Variants in SMC5 observed in about 807,000 individuals in gnomAD.
SMC5 encodes structural maintenance of chromosomes protein 5.
In SMC5, 88 loss-of-function variants were observed where a neutral mutation model predicts 148.3. The ratio of observed to expected loss-of-function variants is 0.59; its 90% CI spans 0.50 to 0.71. The LOEUF (loss-of-function observed/expected upper bound fraction) is 0.71. Ranked by LOEUF, SMC5 falls within the 30% of genes least tolerant of loss-of-function variation. The pLI, the probability that SMC5 is intolerant of heterozygous loss-of-function variation, is 0.00. For missense variants in SMC5, 1,142 were observed against 1,298.9 expected (o/e 0.88, Z 1.86); for synonymous variants, 421 against 432.8 (o/e 0.97, Z 0.34).
Position 70,323,470 on chromosome 9 carries a change from A to G in SMC5, c.2151-13A>G, listed in dbSNP as rs535402855. ...TTAACACTGATTTCTTCATTATTAT[A>G]TGTGTCATACAGTTTAAAGCTGATG... On this transcript the variant is annotated splice_polypyrimidine_tract_variant and intron_variant, in intron 15 of 24. Coordinates refer to ENST00000361138, the MANE Select transcript of SMC5 (RefSeq NM_015110.4). The G allele has an allele frequency of 8.8e-6, 14 of 1,583,308 alleles. No individual in the cohort carries two copies. In the African/African-American group the frequency reaches 1.5e-4, roughly 17 times the overall value.
intron 3 of SMC5, among the ~76,000 whole-genome samples, chr9:70,276,055 A>AT (rs1479613430): frequency 6.6e-6 from 1 of 152,246 alleles, no homozygotes; most frequent in Non-Finnish European, 1.5e-5. Flanking sequence ...TTCTTTTAAG[A>AT]TAACATAGAT....
intron 8 of SMC5, among the ~76,000 whole-genome samples, chr9:70,290,495 T>C (rs2035028562): frequency 6.6e-6 from 1 of 152,196 alleles, no homozygotes. Context: ...ACCGCAATAG[T>C]TCTTTTATAT....
At chr9:70,318,755 G>GT in intron 14 of SMC5, 39 bp from the exon 15 acceptor site, 6 of 1,553,178 alleles carry the variant, frequency 3.9e-6, no homozygotes, top group Non-Finnish European at 5.2e-6. Context: ...CACTGGAACA[G>GT]TTTTTTAAAT....
chr9:70,279,997 A>ATGTATTT (rs1343742471), intron 5 of SMC5, among the ~76,000 whole-genome samples: 1 of 152,124 alleles, frequency 6.6e-6, no homozygotes, highest in Non-Finnish European at 1.5e-5. Flanking sequence ...ACTTAATAAT[A>ATGTATTT]TGTATTTTAC....
intron 8 of SMC5, among the ~76,000 whole-genome samples, chr9:70,290,300 G>A (rs1003216152): frequency 1.9e-4 from 29 of 152,130 alleles, no homozygotes; most frequent in Non-Finnish European, 4.0e-4. Flanking sequence ...AATCTAAAAT[G>A]TGCCTCTTGT....
chr9:70,352,047 C>G (rs1162456570), intron 24 of SMC5, 144 bp from the exon 25 acceptor site: 2 of 673,808 alleles, frequency 3.0e-6, no homozygotes, highest in Non-Finnish European at 4.6e-6. Context: ...CACCTCTGTA[C>G]TCCGGCCTGA....
In SMC5 at chr9:70,350,394, G is replaced by T. The variant is rs1416268890; in HGVS notation, c.3088G>T (p.Glu1030Ter). The change falls in exon 24 of 25, where the codon GAA becomes TAA. Residue 1030 changes from glutamate (E) to a stop codon, truncating the protein, a stop_gained. Coordinates refer to ENST00000361138, the MANE Select transcript of SMC5 (RefSeq NM_015110.4). LOFTEE classifies it high-confidence loss of function. Reference protein sequence around the residue: ...EINQGMDPINERRVFEMVVNT... With the variant: ...EINQGMDPIN Reference sequence around the variant, plus strand: ...TGTTTAGGGAATGGACCCAATCAATGAACGGAGAGTGTTTGAAATGGTTGT... The same window carrying T: ...TGTTTAGGGAATGGACCCAATCAATTAACGGAGAGTGTTTGAAATGGTTGT... 1.2e-6 allele frequency: 2 copies of T among 1,608,640 alleles called. No homozygotes were observed. Among genetic ancestry groups the T allele is most frequent in the East Asian group, 2.2e-5 (1 of 44,656 alleles).
At chr9:70,313,291 C>G (rs2035708503) in intron 11 of SMC5, among the ~76,000 whole-genome samples, 2 of 152,042 alleles carry the variant, frequency 1.3e-5, no homozygotes. Context: ...ATTTAATTCT[C>G]TTTATTCTGT....
chr9:70,313,070 A>G (rs529111431), intron 11 of SMC5, among the ~76,000 whole-genome samples: 3 of 152,166 alleles, frequency 2.0e-5, no homozygotes, highest in Non-Finnish European at 4.4e-5. Flanking sequence ...TCTCTACTAC[A>G]TATAAAGGCT....
At chr9:70,281,262 G>A (rs149872888) in intron 6 of SMC5, among the ~76,000 whole-genome samples, 2,776 of 152,044 alleles carry the variant, frequency 0.018, 26 homozygotes, top group South Asian at 0.034. Context: ...GGCTGGTCTT[G>A]AACTCCTGAC....
intron 2 of SMC5, among the ~76,000 whole-genome samples, chr9:70,267,540 A>T (rs1369605104): frequency 1.3e-5 from 2 of 152,158 alleles, no homozygotes; most frequent in African/African-American, 4.8e-5. Flanking sequence ...TGGTTATACT[A>T]TAGGACCTGT....
chr9:70,281,542 C>G (rs907674266), intron 6 of SMC5, among the ~76,000 whole-genome samples: 2 of 151,996 alleles, frequency 1.3e-5, no homozygotes, highest in Admixed American at 1.3e-4. Context: ...GACTACAGTT[C>G]GGGTTAAAGA....
In SMC5 at chr9:70,344,298, A is replaced by G. The variant is rs780472471; in HGVS notation, c.2523+29A>G. 5.1e-6 allele frequency: 7 copies of G among 1,379,572 alleles called. No individual in the cohort carries two copies. In the Admixed American group the frequency reaches 8.2e-5, roughly 16 times the overall value. The allele number at this position is 1,379,572 out of a possible 1,614,324, so 85.5% of individuals were successfully genotyped here. On this transcript the variant is annotated intron_variant, in intron 18 of 24. Transcript: ENST00000361138. Reference sequence around the variant, plus strand: ...AGTATAAAAAGTATATAATGCTACAATTGCCATATTTAACATTTTTAAGAT... The same window carrying G: ...AGTATAAAAAGTATATAATGCTACAGTTGCCATATTTAACATTTTTAAGAT...
In SMC5 at chr9:70,259,168, C is replaced by G; in HGVS notation, c.90C>G (p.Ser30Arg). 1 of 1,611,668 alleles carries G rather than the reference C, an allele frequency of 6.2e-7. No homozygotes were observed. Among genetic ancestry groups the G allele is most frequent in the Non-Finnish European group, 8.5e-7 (1 of 1,178,972 alleles). The change falls in exon 1 of 25, where the codon AGC (serine) becomes AGG (arginine). Residue 30 changes from serine to arginine, a missense_variant. Ser to Arg is a moderately radical substitution (Grantham distance 110). Coordinates refer to ENST00000361138, the MANE Select transcript of SMC5 (RefSeq NM_015110.4). Reference protein sequence around the residue: ...LPRDPSSEVPSKRKNSAPQLP... With the variant: ...LPRDPSSEVPRKRKNSAPQLP... ...GAGACCCTTCGTCGGAGGTCCCGAG[C>G]AAGAGGAAGAATTCGGCCCCGCAGC...
At chr9:70,265,670 G>A (rs1375815411) in intron 2 of SMC5, among the ~76,000 whole-genome samples, 1 of 151,550 alleles carries the variant, frequency 6.6e-6, no homozygotes, top group East Asian at 1.9e-4. Context: ...GTGAAAGGAT[G>A]AAAAAAAATA....
chr9:70,328,875 CAG>C (rs2036152355), intron 17 of SMC5, among the ~76,000 whole-genome samples: 1 of 152,248 alleles, frequency 6.6e-6, no homozygotes, highest in East Asian at 1.9e-4. Context: ...GAAACCTAAG[CAG>C]AGTCTCCCCC....
intron 8 of SMC5, 44 bp from the exon 9 acceptor site, chr9:70,297,922 A>G (rs755593164): frequency 4.5e-6 from 7 of 1,572,700 alleles, no homozygotes; most frequent in African/African-American, 4.1e-5. Flanking sequence ...TTATAAACCA[A>G]GAGGAAAACA....
chr9:70,335,922 A>G (rs781630544), intron 17 of SMC5, among the ~76,000 whole-genome samples: 23 of 152,248 alleles, frequency 1.5e-4, no homozygotes, highest in South Asian at 4.1e-4. Context: ...AACATATACA[A>G]GAATATGAAG....
intron 8 of SMC5, among the ~76,000 whole-genome samples, chr9:70,296,602 TTTTA>T (rs1484718271): frequency 6.6e-6 from 1 of 152,142 alleles, no homozygotes; most frequent in Non-Finnish European, 1.5e-5. Flanking sequence ...TATAAGTTAT[TTTTA>T]TTTGTTATAA....
Sources: allele counts gnomAD v4.1 joint callset (sites outside exome capture counted in the v4.1 genomes callset), GRCh38; gene constraint gnomAD v4.1.1; transcripts MANE v1.5; gene names NCBI Gene and HGNC (gene_info 2026-07-23, HGNC 2026-07-21).